Variants in SCAF8 observed in about 807,000 individuals in gnomAD.
SCAF8 encodes the protein SR-related CTD associated factor 8, also known as SR-related and CTD-associated factor 8.
Under a neutral mutation model 140.5 loss-of-function variants are expected in SCAF8, and 23 were observed. The ratio of observed to expected loss-of-function variants is 0.16; its 90% CI spans 0.12 to 0.23. The LOEUF (loss-of-function observed/expected upper bound fraction) is 0.23. Among genes scored for constraint, SCAF8 ranks in the 10% least tolerant of loss-of-function variants. The pLI is 1.00. For synonymous variants in SCAF8, 575 were observed against 528.9 expected (o/e 1.09, Z -1.20); for missense variants, 1,397 against 1,555.7 (o/e 0.90, Z 1.72).
Position 154,802,043 on chromosome 6 carries a change from G to C in SCAF8, c.679G>C (p.Ala227Pro). 2 of 1,613,106 alleles carry C rather than the reference G, an allele frequency of 1.2e-6. No homozygotes were observed. The highest frequency in any genetic ancestry group is 1.7e-6 in the Non-Finnish European group (2 of 1,179,400). ...PQPSILQALD[A>P]GLVVQLQALT... ...GCCTTCCATTCTGCAGGCCCTAGAT[G>C]CTGGTCTTGTTGTTCAGTTGCAAGC... Residue 227 changes from alanine to proline, a missense_variant, in exon 7 of 20, where the codon GCT becomes CCT. Transcript: ENST00000367178.
intron 4 of SCAF8, 137 bp downstream of exon 4, chr6:154,788,159 G>A: frequency 3.0e-6 from 2 of 677,644 alleles, no homozygotes; most frequent in African/African-American, 1.8e-5. Context: ...ATATACAGTG[G>A]TGGTCTCCTA....
rs149115179 is a variant in SCAF8 at position 154,793,575 on chromosome 6, G to A, written c.475+599G>A. Among the ~76,000 whole-genome samples, 47 of 151,778 alleles carry A rather than the reference G, an allele frequency of 3.1e-4. No homozygotes were observed. The East Asian group carries it at 7.9e-3, about 26-fold the overall frequency. On this transcript the variant is annotated intron_variant, in intron 5 of 19. Transcript: ENST00000367178. ...AACACCTGTAATCCTAGCACTTTGG[G>A]AGGCCGAGGCAGGCAGATCGCCTGA...
intron 1 of SCAF8, among the ~76,000 whole-genome samples, chr6:154,743,202 A>G (rs965008826): frequency 6.6e-6 from 1 of 152,202 alleles, no homozygotes. Context: ...TTGCCTGTCC[A>G]CTGTTCAAAA....
chr6:154,817,335 C>A (rs962571684), intron 13 of SCAF8, among the ~76,000 whole-genome samples: 9 of 152,194 alleles, frequency 5.9e-5, no homozygotes, highest in Non-Finnish European at 1.2e-4. Context: ...TATTTGTAAT[C>A]TTTCTTGTAT....
intron 1 of SCAF8, chr6:154,742,043 G>T: frequency 6.7e-7 from 1 of 1,487,220 alleles, no homozygotes; most frequent in South Asian, 1.2e-5. Context: ...ACCCACATAA[G>T]GCAGGCCCTT....
intron 13 of SCAF8, 28 bp from the exon 14 acceptor site, chr6:154,818,451 C>G: frequency 7.4e-7 from 1 of 1,344,218 alleles, no homozygotes; most frequent in Non-Finnish European, 1.0e-6. Flanking sequence ...GTTCTTATAC[C>G]TTTTCTTAAA....
At chr6:154,766,235 G>A (rs1776561347) in intron 1 of SCAF8, among the ~76,000 whole-genome samples, 1 of 152,056 alleles carries the variant, frequency 6.6e-6, no homozygotes, top group African/African-American at 2.4e-5. Flanking sequence ...GGATGGCAGA[G>A]GCAAAAGATG....
At chr6:154,822,489 C>G in intron 16 of SCAF8, 80 bp downstream of exon 16, 3 of 1,363,392 alleles carry the variant, frequency 2.2e-6, no homozygotes, top group Non-Finnish European at 3.0e-6. Flanking sequence ...TTTATAAAAC[C>G]GGAATGAAAA....
At chr6:154,776,297 G>A (rs1776915182) in intron 2 of SCAF8, among the ~76,000 whole-genome samples, 1 of 43,214 alleles carries the variant, frequency 2.3e-5, no homozygotes, top group African/African-American at 1.1e-4. Context: ...GTGTATATAT[G>A]TATATATATA....
intron 11 of SCAF8, 120 bp downstream of exon 11, chr6:154,808,918 G>T (rs1307822880): frequency 1.2e-5 from 8 of 664,168 alleles, no homozygotes; most frequent in Non-Finnish European, 2.6e-6. Context: ...CAGTCTCTCG[G>T]AAAAAAAGTT....
intron 12 of SCAF8, among the ~76,000 whole-genome samples, chr6:154,813,045 A>C (rs936337556): frequency 7.9e-5 from 12 of 151,620 alleles, no homozygotes; most frequent in Non-Finnish European, 1.5e-4. Flanking sequence ...CCGCCAAAAA[A>C]AAAAAAAAAA....
At chr6:154,744,780 A>G (rs1187316595) in intron 1 of SCAF8, among the ~76,000 whole-genome samples, 1 of 152,222 alleles carries the variant, frequency 6.6e-6, no homozygotes, top group Non-Finnish European at 1.5e-5. Flanking sequence ...TCATAGAAAA[A>G]TAGTAAGAAT....
rs538430983 is a variant in SCAF8 at position 154,789,678 on chromosome 6, T to TG, written c.321+1659dup. ...CTCCTGCCTCAGCCTCCTGAGTAGCTGGGACTACAGGCTTATGCCACCCTG... is the reference window on the plus strand; with the variant it reads ...CTCCTGCCTCAGCCTCCTGAGTAGCTGGGGACTACAGGCTTATGCCACCCTG... On this transcript the variant is annotated intron_variant, in intron 4 of 19. Coordinates refer to ENST00000367178, the MANE Select transcript of SCAF8 (RefSeq NM_014892.5). Among the ~76,000 whole-genome samples the TG allele has an allele frequency of 4.8e-4, 73 of 152,014 alleles. 1 individual carries two copies. The East Asian group carries it at 0.011, about 23-fold the overall frequency.
chr6:154,790,556 GC>G (rs1777388400), intron 4 of SCAF8, among the ~76,000 whole-genome samples: 1 of 122,514 alleles, frequency 8.2e-6, no homozygotes, highest in Admixed American at 1.1e-4. Context: ...TGTTGCCCAG[GC>G]TGGAGTGCAG....
intron 1 of SCAF8, among the ~76,000 whole-genome samples, chr6:154,745,198 T>A (rs1390554981): frequency 1.3e-5 from 2 of 152,222 alleles, no homozygotes; most frequent in Non-Finnish European, 2.9e-5. Context: ...TTGATTAAAA[T>A]AGGCCAGTAT....
At chr6:154,738,737 G>A (rs1302234510) in intron 1 of SCAF8, among the ~76,000 whole-genome samples, 1 of 152,192 alleles carries the variant, frequency 6.6e-6, no homozygotes, top group Middle Eastern at 3.2e-3. Flanking sequence ...GAAAAGGGTC[G>A]CAGATTGAAC....
Position 154,805,399 on chromosome 6 carries a change from C to G in SCAF8, c.894C>G (p.Ser298=). The part of the protein sequence containing the change: ...LSHVSESVNN[S]IFHQIAEQLQ... ...ACGTTTCAGAATCTGTGAACAATTC[C>G]ATTTTTCATCAGATAGCAGAACAAC... Residue 298 remains serine, a synonymous_variant, in exon 9 of 20, where the codon TCC becomes TCG. Transcript: ENST00000367178. 6.2e-7 allele frequency: 1 copy of G among 1,610,172 alleles called. No homozygotes were observed. The highest frequency in any genetic ancestry group is 8.5e-7 in the Non-Finnish European group (1 of 1,177,120).
chr6:154,796,395 C>T (rs1376147841), intron 6 of SCAF8, among the ~76,000 whole-genome samples: 2 of 145,646 alleles, frequency 1.4e-5, no homozygotes, highest in Middle Eastern at 3.4e-3. Context: ...CTCTCTCTGT[C>T]TCTCTCTTTT....
At chr6:154,752,796 G>T (rs1186370209) in intron 1 of SCAF8, among the ~76,000 whole-genome samples, 5 of 152,102 alleles carry the variant, frequency 3.3e-5, no homozygotes, top group Admixed American at 3.3e-4. Context: ...GTCATGTCTT[G>T]CAGCATTCTC....
Sources: gnomAD v4.1 joint callset for allele counts (sites outside exome capture counted in the v4.1 genomes callset) on GRCh38, gnomAD v4.1.1 for gene constraint, MANE v1.5 for transcripts, NCBI Gene and HGNC (gene_info 2026-07-23, HGNC 2026-07-21) for gene names.